TGFBR1: variants seen among roughly 807,000 people sequenced by gnomAD.
TGFBR1 encodes transforming growth factor beta receptor 1.
Under a neutral mutation model 55.1 loss-of-function variants are expected in TGFBR1, and 20 were observed. The observed-to-expected ratio is 0.36, with a 90% CI of 0.26 to 0.53. The LOEUF is 0.53. TGFBR1 is among the 20% of genes least tolerant of loss of function. TGFBR1 has a pLI of 0.91. For missense variants in TGFBR1, 385 were observed against 617.6 expected, an observed-to-expected ratio of 0.62 and a Z score of 3.99; for synonymous variants, 220 against 214.8, an observed-to-expected ratio of 1.02 and a Z score of -0.21.
At chr9:99,130,376 G>A (rs566141862) in intron 2 of TGFBR1, among the ~76,000 whole-genome samples, 1 of 152,294 alleles carries the variant, frequency 6.6e-6, no homozygotes, top group South Asian at 2.1e-4. Flanking sequence ...ATTAAAGGAG[G>A]AAGCACTGCT....
At chr9:99,136,632 T>C (rs1368198591) in intron 3 of TGFBR1, among the ~76,000 whole-genome samples, 1 of 152,174 alleles carries the variant, frequency 6.6e-6, no homozygotes, top group African/African-American at 2.4e-5. Flanking sequence ...TTTATAGTTA[T>C]ACTGCTAACT....
intron 3 of TGFBR1, among the ~76,000 whole-genome samples, chr9:99,137,273 C>T (rs561625343): frequency 1.1e-3 from 170 of 152,176 alleles, no homozygotes; most frequent in Non-Finnish European, 2.1e-3. Flanking sequence ...TTTCTGCGTT[C>T]ACATCCTTTT....
chr9:99,140,136 C>A (rs2118748047), intron 4 of TGFBR1, among the ~76,000 whole-genome samples: 1 of 152,230 alleles, frequency 6.6e-6, no homozygotes, highest in South Asian at 2.1e-4. Context: ...TGGCACCTGA[C>A]AATGTAATAC....
chr9:99,129,327 G>C (rs1053810439), intron 2 of TGFBR1, among the ~76,000 whole-genome samples: 2 of 152,180 alleles, frequency 1.3e-5, no homozygotes, highest in African/African-American at 4.8e-5. Flanking sequence ...TCTGAGGTCT[G>C]TTATACCTAA....
intron 1 of TGFBR1, among the ~76,000 whole-genome samples, chr9:99,128,206 C>T (rs548027284): frequency 4.9e-4 from 75 of 152,202 alleles, no homozygotes; most frequent in African/African-American, 1.8e-3. Context: ...GTTAGGTTGC[C>T]TATGTGGTTG....
chr9:99,123,459 C>G (rs1223957211), intron 1 of TGFBR1, among the ~76,000 whole-genome samples: 1 of 151,954 alleles, frequency 6.6e-6, no homozygotes, highest in Non-Finnish European at 1.5e-5. Context: ...CTGTAGGAGT[C>G]TAAACCAAAT....
chr9:99,103,696 C>T (rs549183207), upstream of TGFBR1, among the ~76,000 whole-genome samples: 12 of 152,252 alleles, frequency 7.9e-5, 1 homozygote, highest in East Asian at 2.3e-3. Flanking sequence ...AAGTTGCAGG[C>T]CTCTGAGCCT....
rs200013714 is a variant in TGFBR1, at chr9:99,153,420, A to G, written c.*4115A>G. 1.4e-5 allele frequency: 3 copies of G among 213,506 alleles called. No individual in the cohort carries two copies. Among genetic ancestry groups the G allele is most frequent in the Non-Finnish European group, 2.9e-5 (3 of 105,248 alleles). 13.2% of individuals were successfully genotyped at this position (213,506 alleles called of 1,614,324 possible). A position where few individuals can be genotyped will look rare whatever the true frequency, so the allele number is the denominator to read the frequency against. ...AATCTCTGCCTTTTAAGATATGTAC[A>G]GAAAATGTCCATATAAATTTCCATT... On this transcript the variant is annotated 3_prime_UTR_variant, in exon 9 of 9. Coordinates refer to ENST00000374994, the MANE Select transcript of TGFBR1 (RefSeq NM_004612.4).
intron 3 of TGFBR1, among the ~76,000 whole-genome samples, chr9:99,133,258 A>G (rs1438034088): frequency 6.6e-6 from 1 of 152,252 alleles, no homozygotes; most frequent in Non-Finnish European, 1.5e-5. Flanking sequence ...AATTAAACTA[A>G]TGAACTCTTA....
At chr9:99,136,539 T>C (rs185259800) in intron 3 of TGFBR1, among the ~76,000 whole-genome samples, 1 of 152,352 alleles carries the variant, frequency 6.6e-6, no homozygotes, top group Admixed American at 6.5e-5. Context: ...TTATACATAG[T>C]GCGAAAGAGC....
At chr9:99,111,811 A>G (rs1826591034) in intron 1 of TGFBR1, among the ~76,000 whole-genome samples, 1 of 152,250 alleles carries the variant, frequency 6.6e-6, no homozygotes, top group African/African-American at 2.4e-5. Flanking sequence ...AGTGATCAAC[A>G]TGATGAGAAA....
chr9:99,147,693 T>G lies in TGFBR1; in HGVS notation c.1295T>G (p.Val432Gly). 6.2e-7 allele frequency: 1 copy of G among 1,613,724 alleles called. No individual in the cohort carries two copies. Among genetic ancestry groups the G allele is most frequent in the Non-Finnish European group, 8.5e-7 (1 of 1,179,744 alleles). Residue 432 changes from valine to glycine, a missense_variant, in exon 8 of 9, where the codon GTA (valine) becomes GGA (glycine). Val to Gly is a moderately radical substitution (Grantham distance 109). This residue lies in a region of TGFBR1 where 110 missense variants were observed against 154.6 expected (regional missense o/e 0.71). Transcript: ENST00000374994. ...TACCAACTGCCTTATTATGATCTTG[T>G]ACCTTCTGACCCATCAGTTGAAGAA... The part of the protein sequence containing the change: ...EDYQLPYYDL[V>G]PSDPSVEEMR...
chr9:99,141,047 A>AC (rs1827600740), intron 4 of TGFBR1, among the ~76,000 whole-genome samples: 1 of 151,476 alleles, frequency 6.6e-6, no homozygotes, highest in African/African-American at 2.4e-5. Flanking sequence ...AGTTAATTCC[A>AC]CCCCCGGCAG....
intron 7 of TGFBR1, 149 bp downstream of exon 7, chr9:99,146,758 C>A: frequency 8.3e-7 from 1 of 1,198,770 alleles, no homozygotes; most frequent in Non-Finnish European, 1.2e-6. Flanking sequence ...GCGATGAAAC[C>A]TTTGGGAGGG....
intron 5 of TGFBR1, among the ~76,000 whole-genome samples, 183 bp downstream of exon 5, chr9:99,142,886 G>A (rs1326084279): frequency 6.6e-6 from 1 of 151,948 alleles, no homozygotes; most frequent in Non-Finnish European, 1.5e-5. Flanking sequence ...TGACAAAACC[G>A]CATCTCTACC....
chr9:99,111,627 T>C (rs1826583974), intron 1 of TGFBR1, among the ~76,000 whole-genome samples: 1 of 151,974 alleles, frequency 6.6e-6, no homozygotes, highest in African/African-American at 2.4e-5. Flanking sequence ...AAACTCCATC[T>C]CAACAAAAAC....
chr9:99,140,469 CAACAA>C (rs375241796), intron 4 of TGFBR1, among the ~76,000 whole-genome samples: 1,554 of 151,440 alleles, frequency 0.01, 10 homozygotes, highest in Non-Finnish European at 0.015. Flanking sequence ...AAAAAAACAA[CAACAA>C]AACAAAACAA....
At chr9:99,135,556 T>C (rs917419043) in intron 3 of TGFBR1, among the ~76,000 whole-genome samples, 2 of 152,220 alleles carry the variant, frequency 1.3e-5, no homozygotes, top group African/African-American at 4.8e-5. Flanking sequence ...AATGAAGAGC[T>C]GGGTTCTGGC....
At chr9:99,120,068 A>G (rs1455115541) in intron 1 of TGFBR1, among the ~76,000 whole-genome samples, 1 of 152,188 alleles carries the variant, frequency 6.6e-6, no homozygotes, top group African/African-American at 2.4e-5. Flanking sequence ...TATGTATGTT[A>G]TTTCATTAAC....
Sources: gnomAD v4.1 joint callset for allele counts (sites outside exome capture counted in the v4.1 genomes callset) on GRCh38, gnomAD v4.1.1 for gene constraint, gnomAD v4.1.1 regional missense constraint, MANE v1.5 for transcripts, NCBI Gene and HGNC (gene_info 2026-07-23, HGNC 2026-07-21) for gene names.